The following SPAG16 variants were observed in gnomAD, a reference collection of about 807,000 sequenced individuals.
SPAG16 encodes the protein sperm-associated antigen 16 protein.
SPAG16 carries 86 observed loss-of-function variants against 80.4 expected under a neutral mutation model. That is an observed-to-expected ratio of 1.07 (90% CI 0.90 to 1.28). The LOEUF (loss-of-function observed/expected upper bound fraction) is 1.28, where lower values mean the gene tolerates loss of function less well. Among genes scored for constraint, SPAG16 ranks in the 50% most tolerant of loss-of-function variants. The probability of loss-of-function intolerance (pLI) is 0.00; values close to 1 mark genes in which losing one functional copy is unlikely to be tolerated. For missense variants in SPAG16, 870 were observed against 765.3 expected, an observed-to-expected ratio of 1.14 and a Z score of -1.61; for synonymous variants, 294 against 265.9, an observed-to-expected ratio of 1.11 and a Z score of -1.03.
chr2:214,191,788 T>C (rs1321740628), intron 15 of SPAG16, among the ~76,000 whole-genome samples: 3 of 147,244 alleles, frequency 2.0e-5, no homozygotes, highest in East Asian at 2.0e-4. Context: ...AGAGTTCACA[T>C]AGAATTTGAG....
chr2:213,603,957 T>A (rs1224467201), intron 10 of SPAG16, among the ~76,000 whole-genome samples: 2 of 151,350 alleles, frequency 1.3e-5, no homozygotes, highest in African/African-American at 4.9e-5. Context: ...AGAGTCTCAC[T>A]AAGTTGGCCA....
chr2:214,216,778 T>C (rs2058442750), intron 15 of SPAG16, among the ~76,000 whole-genome samples: 3 of 152,238 alleles, frequency 2.0e-5, no homozygotes, highest in Non-Finnish European at 1.5e-5. Flanking sequence ...AATTATAGAA[T>C]GCAGATTGGC....
At chr2:213,812,562 A>G (rs2072236859) in intron 10 of SPAG16, among the ~76,000 whole-genome samples, 1 of 152,170 alleles carries the variant, frequency 6.6e-6, no homozygotes, top group Non-Finnish European at 1.5e-5. Context: ...TTGTGGGAGG[A>G]GGGTGCAGGG....
At chr2:214,406,613 A>G (rs903981646) in intron 15 of SPAG16, among the ~76,000 whole-genome samples, 2 of 152,180 alleles carry the variant, frequency 1.3e-5, no homozygotes, top group Admixed American at 1.3e-4. Context: ...AAGGAACTAT[A>G]TTGTATTAAG....
At chr2:214,207,778 C>T (rs540340445) in intron 15 of SPAG16, among the ~76,000 whole-genome samples, 6 of 152,256 alleles carry the variant, frequency 3.9e-5, no homozygotes, top group Admixed American at 1.3e-4. Context: ...CAGTTGCCAG[C>T]GAGACTAGAA....
At chr2:213,586,300 G>A (rs763401597) in intron 10 of SPAG16, among the ~76,000 whole-genome samples, 4 of 152,204 alleles carry the variant, frequency 2.6e-5, no homozygotes, top group South Asian at 2.1e-4. Context: ...ATTGGACCAT[G>A]AGCAAGGTGT....
chr2:213,500,205 G>C (rs2074678072), intron 10 of SPAG16, among the ~76,000 whole-genome samples: 1 of 152,132 alleles, frequency 6.6e-6, no homozygotes, highest in Non-Finnish European at 1.5e-5. Flanking sequence ...TATAAATTTA[G>C]AGTATATTGT....
chr2:213,619,200 C>G (rs1036897301), intron 10 of SPAG16, among the ~76,000 whole-genome samples: 1 of 152,028 alleles, frequency 6.6e-6, no homozygotes, highest in African/African-American at 2.4e-5. Flanking sequence ...ATACAAAAAT[C>G]AACTCAAAAT....
At chr2:213,489,072 C>A in intron 9 of SPAG16, among the ~76,000 whole-genome samples, 1 of 129,142 alleles carries the variant, frequency 7.7e-6, no homozygotes, top group Non-Finnish European at 1.7e-5. Flanking sequence ...GAGACTCCAT[C>A]TCAAAAACGA....
chr2:214,104,277 C>T (rs4541202), intron 13 of SPAG16, among the ~76,000 whole-genome samples: 87,315 of 152,034 alleles, frequency 0.57, 26,070 homozygotes, highest in African/African-American at 0.63. Context: ...CCGAACAATA[C>T]AGGGCCTTAA....
At chr2:214,287,292 C>T in intron 15 of SPAG16, among the ~76,000 whole-genome samples, 1 of 152,124 alleles carries the variant, frequency 6.6e-6, no homozygotes, top group East Asian at 1.9e-4. Context: ...TTTCTTTTAT[C>T]TTTTCTGTTA....
chr2:214,108,321 A>G (rs2053484931), intron 14 of SPAG16, 60 bp downstream of exon 14: 2 of 1,365,600 alleles, frequency 1.5e-6, no homozygotes, highest in African/African-American at 1.5e-5. Flanking sequence ...ATTCATTTTT[A>G]TAAAACAAAT....
At chr2:214,288,603 T>C (rs954382676) in intron 15 of SPAG16, among the ~76,000 whole-genome samples, 14 of 152,088 alleles carry the variant, frequency 9.2e-5, no homozygotes, top group African/African-American at 3.1e-4. Context: ...ATTTTTTTTG[T>C]CTTTTTAGTA....
intron 15 of SPAG16, among the ~76,000 whole-genome samples, chr2:214,288,376 CA>C (rs1210857760): frequency 1.3e-5 from 2 of 152,152 alleles, no homozygotes; most frequent in African/African-American, 4.8e-5. Flanking sequence ...AATAGTGCCG[CA>C]AAGACATGCA....
At chr2:213,307,096 A>G (rs1455854484) in intron 3 of SPAG16, among the ~76,000 whole-genome samples, 1 of 152,162 alleles carries the variant, frequency 6.6e-6, no homozygotes, top group East Asian at 1.9e-4. Flanking sequence ...CCCCTTTGTC[A>G]GGATTTTTCT....
At chr2:213,910,387 A>G (rs1262299979) in intron 11 of SPAG16, among the ~76,000 whole-genome samples, 1 of 152,242 alleles carries the variant, frequency 6.6e-6, no homozygotes, top group African/African-American at 2.4e-5. Context: ...CAGCAAACAA[A>G]ACAAAACAAA....
At chr2:213,727,887 C>T (rs1030041351) in intron 10 of SPAG16, among the ~76,000 whole-genome samples, 2 of 152,050 alleles carry the variant, frequency 1.3e-5, no homozygotes, top group East Asian at 1.9e-4. Flanking sequence ...TCACTCTTGT[C>T]GCCCAGGTTG....
chr2:213,338,817 A>T (rs372893449), intron 5 of SPAG16, among the ~76,000 whole-genome samples: 3 of 152,168 alleles, frequency 2.0e-5, no homozygotes, highest in East Asian at 3.8e-4. Context: ...AACAATCAAA[A>T]CACATGGACA....
intron 12 of SPAG16, among the ~76,000 whole-genome samples, chr2:213,956,208 G>A (rs1172916797): frequency 2.0e-5 from 3 of 151,658 alleles, no homozygotes; most frequent in East Asian, 2.0e-4. Flanking sequence ...TGCCCGCCTC[G>A]GCCTCCCAAA....
Sources: allele counts gnomAD v4.1 joint callset (sites outside exome capture counted in the v4.1 genomes callset), GRCh38; gene constraint gnomAD v4.1.1; transcripts MANE v1.5; gene names NCBI Gene and HGNC (gene_info 2026-07-23, HGNC 2026-07-21).